The following PAPPA variants were observed in gnomAD, a reference collection of about 807,000 sequenced individuals.
PAPPA encodes the protein pappalysin-1.
PAPPA carries 60 observed loss-of-function variants against 164.0 expected under a neutral mutation model. That is an observed-to-expected ratio of 0.37 (90% confidence interval 0.30 to 0.45). The LOEUF (loss-of-function observed/expected upper bound fraction) is 0.45. Among genes scored for constraint, PAPPA ranks in the 20% least tolerant of loss-of-function variants. The pLI, the probability that PAPPA is intolerant of heterozygous loss-of-function variation, is 1.00. For missense variants in PAPPA, 1,782 were observed against 2,087.3 expected (o/e 0.85, Z 2.85); for synonymous variants, 875 against 814.1 (o/e 1.07, Z -1.27).
chr9:116,193,097 T>G (rs1433767707), intron 2 of PAPPA, among the ~76,000 whole-genome samples: 1 of 152,226 alleles, frequency 6.6e-6, no homozygotes, highest in Non-Finnish European at 1.5e-5. Flanking sequence ...TTCTCTTTAT[T>G]ATTATTTGGG....
intron 1 of PAPPA, among the ~76,000 whole-genome samples, chr9:116,177,303 C>A (rs1316389154): frequency 6.6e-6 from 1 of 152,196 alleles, no homozygotes; most frequent in African/African-American, 2.4e-5. Flanking sequence ...TTGTGCTCTT[C>A]ACTACCAGAC....
At chr9:116,216,120 A>G (rs1429691245) in intron 4 of PAPPA, among the ~76,000 whole-genome samples, 1 of 152,134 alleles carries the variant, frequency 6.6e-6, no homozygotes, top group Admixed American at 6.5e-5. Context: ...TATTATGACT[A>G]TTATTACTAT....
intron 1 of PAPPA, among the ~76,000 whole-genome samples, chr9:116,175,333 A>G (rs1843821674): frequency 6.6e-6 from 1 of 152,334 alleles, no homozygotes; most frequent in South Asian, 2.1e-4. Context: ...CATGATGACT[A>G]TAGTTACTAT....
At chr9:116,345,183 C>T (rs757266516) in intron 14 of PAPPA, among the ~76,000 whole-genome samples, 26 of 152,130 alleles carry the variant, frequency 1.7e-4, no homozygotes, top group Non-Finnish European at 3.7e-4. Context: ...AGTCCTTCTT[C>T]TGAAGGAGCT....
chr9:116,363,744 A>G (rs962097048), intron 18 of PAPPA, among the ~76,000 whole-genome samples: 1 of 152,214 alleles, frequency 6.6e-6, no homozygotes, highest in Non-Finnish European at 1.5e-5. Context: ...CATGATCTTC[A>G]TCCAGCAAAC....
At chr9:116,224,935 G>A (rs1048809627) in intron 5 of PAPPA, among the ~76,000 whole-genome samples, 3 of 151,556 alleles carry the variant, frequency 2.0e-5, no homozygotes, top group Admixed American at 2.0e-4. Flanking sequence ...TGAAGACAAT[G>A]TGAATGTGAA....
intron 2 of PAPPA, among the ~76,000 whole-genome samples, chr9:116,198,969 T>C (rs1806789257): frequency 6.6e-6 from 1 of 152,148 alleles, no homozygotes; most frequent in Non-Finnish European, 1.5e-5. Flanking sequence ...TTACACAAAC[T>C]GCTGACTTCC....
At chr9:116,229,200 G>C (rs1352731035) in intron 6 of PAPPA, among the ~76,000 whole-genome samples, 1 of 152,238 alleles carries the variant, frequency 6.6e-6, no homozygotes, top group East Asian at 1.9e-4. Context: ...ATCTGAGAAT[G>C]TGAAAAAGTT....
At chr9:116,321,634 G>A (rs1449786093) in intron 10 of PAPPA, among the ~76,000 whole-genome samples, 1 of 152,140 alleles carries the variant, frequency 6.6e-6, no homozygotes, top group African/African-American at 2.4e-5. Flanking sequence ...TCCCTTTCCT[G>A]CACTACATGG....
intron 1 of PAPPA, among the ~76,000 whole-genome samples, chr9:116,166,177 C>T (rs566255012): frequency 6.6e-6 from 1 of 152,244 alleles, no homozygotes; most frequent in South Asian, 2.1e-4. Context: ...CCATTTACCC[C>T]TGAGCAAAGA....
intron 19 of PAPPA, among the ~76,000 whole-genome samples, chr9:116,375,359 A>G (rs1442373375): frequency 6.6e-6 from 1 of 152,184 alleles, no homozygotes; most frequent in Non-Finnish European, 1.5e-5. Flanking sequence ...TCTTTCTCCA[A>G]GGTCTTTGAT....
chr9:116,189,831 C>T (rs111786731), intron 2 of PAPPA, among the ~76,000 whole-genome samples: 51 of 152,302 alleles, frequency 3.3e-4, no homozygotes, highest in African/African-American at 1.2e-3. Context: ...GAGCAAGGGC[C>T]TCCCGTGCGT....
At chr9:116,244,435 T>C (rs1844772943) in intron 7 of PAPPA, among the ~76,000 whole-genome samples, 1 of 152,206 alleles carries the variant, frequency 6.6e-6, no homozygotes, top group South Asian at 2.1e-4. Context: ...GTGCATTTAA[T>C]AGGAGTGCCT....
Position 116,187,662 on chromosome 9 carries a change from G to T in PAPPA, c.924G>T (p.Val308=). ...SPMKDGSSPK[V]EFSNAHGFLL... ...TGAAGGATGGCAGCAGCCCCAAAGT[G>T]GAATTCAGCAATGCCCACGGCTTTC... is the stretch of plus-strand genomic sequence containing the variant. Residue 308 remains valine, a synonymous_variant, in exon 2 of 22, where the codon GTG becomes GTT. Coordinates refer to ENST00000328252, the MANE Select transcript of PAPPA (RefSeq NM_002581.5). The surrounding 1 kb of genome is among the most constrained non-coding windows in gnomAD (Gnocchi z 4.2). 2 of 1,614,254 alleles carry T rather than the reference G, an allele frequency of 1.2e-6. No homozygotes were observed. Among genetic ancestry groups the T allele is most frequent in the South Asian group, 2.2e-5 (2 of 91,086 alleles).
chr9:116,219,982 T>C lies in PAPPA; in HGVS notation c.1964T>C (p.Met655Thr). Residue 655 changes from methionine (M) to threonine (T), a missense_variant, in exon 5 of 22, where the codon ATG becomes ACG. This residue lies in a region of PAPPA where 1,324 missense variants were observed against 1,656.9 expected (regional missense o/e 0.80). Transcript: ENST00000328252. ...TTCACGCCCAATCAAGTCGCCAGAA[T>C]GCACTGTTACCTGGACCTGGTCTAC... ...DSFTPNQVAR[M>T]HCYLDLVYQG... is the part of the protein sequence containing the mutation. 1 of 1,614,100 alleles carries C rather than the reference T, an allele frequency of 6.2e-7. No individual in the cohort carries two copies. Among genetic ancestry groups the C allele is most frequent in the Non-Finnish European group, 8.5e-7 (1 of 1,180,008 alleles).
intron 1 of PAPPA, among the ~76,000 whole-genome samples, chr9:116,162,146 C>T (rs1843675943): frequency 6.6e-6 from 1 of 152,126 alleles, no homozygotes; most frequent in Non-Finnish European, 1.5e-5. Flanking sequence ...TTAGGAGGAG[C>T]ATGGAGAAGG....
chr9:116,288,418 TCTCCCTCCCTCCCTCC>T (rs1158947439), intron 9 of PAPPA, among the ~76,000 whole-genome samples: 1 of 109,954 alleles, frequency 9.1e-6, no homozygotes, highest in Non-Finnish European at 1.9e-5. Flanking sequence ...TTTATTTCTG[TCTCCCTCCCTCCCTCC>T]CTCCCTCCCT....
At chr9:116,250,722 C>T (rs74942368) in intron 7 of PAPPA, among the ~76,000 whole-genome samples, 3,185 of 152,330 alleles carry the variant, frequency 0.021, 104 homozygotes, top group East Asian at 0.11. Flanking sequence ...AGGACTGACA[C>T]TTGACATATG....
chr9:116,354,180 G>T lies in PAPPA; in HGVS notation c.4347+387G>T, dbSNP rs553307105. Among the ~76,000 whole-genome samples, 84 of 152,236 alleles carry T rather than the reference G, an allele frequency of 5.5e-4. 1 individual carries two copies. The highest frequency in any genetic ancestry group is 3.3e-3 in the Admixed American group (51 of 15,292). Reference sequence around the variant, plus strand: ...GCTCCTGAAGCATAAGGAAAAAGGGGACCATATTTAGATGAGAAGTACAGT... The same window carrying T: ...GCTCCTGAAGCATAAGGAAAAAGGGTACCATATTTAGATGAGAAGTACAGT... On this transcript the variant is annotated intron_variant, in intron 17 of 21. Coordinates refer to ENST00000328252, the MANE Select transcript of PAPPA (RefSeq NM_002581.5).
Sources: gnomAD v4.1 joint callset for allele counts (sites outside exome capture counted in the v4.1 genomes callset) on GRCh38, gnomAD v4.1.1 for gene constraint, gnomAD v4.1.1 regional missense constraint, Gnocchi (gnomAD v3.1) non-coding constraint, MANE v1.5 for transcripts, NCBI Gene and HGNC (gene_info 2026-07-23, HGNC 2026-07-21) for gene names.